USP9Y: variants seen among roughly 807,000 people sequenced by gnomAD.
The protein encoded by USP9Y is ubiquitin carboxyl-terminal hydrolase 9Y.
In USP9Y, 41 loss-of-function variants were observed where a neutral mutation model predicts 53.1. That is an observed-to-expected ratio of 0.77 (90% CI 0.60 to 1.00). The LOEUF (loss-of-function observed/expected upper bound fraction) is 1.00. Among genes scored for constraint, USP9Y ranks in the 50% least tolerant of loss-of-function variants. The probability of loss-of-function intolerance (pLI) is 0.00; values close to 1 mark genes in which losing one functional copy is unlikely to be tolerated. For synonymous variants in USP9Y, 220 were observed against 173.7 expected, an observed-to-expected ratio of 1.27 and a Z score of -2.09; for missense variants, 567 against 535.8, an observed-to-expected ratio of 1.06 and a Z score of -0.58.
intron 12 of USP9Y, among the ~76,000 whole-genome samples, chrY:12,740,424 T>C (rs2053456474): frequency 3.0e-5 from 1 of 33,649 alleles, no homozygotes. Flanking sequence ...GACTCCTTTA[T>C]ATGGAACACT....
intron 36 of USP9Y, 53 bp from the exon 37 acceptor site, chrY:12,840,957 T>C: frequency 2.9e-6 from 1 of 341,223 alleles, no homozygotes; most frequent in Non-Finnish European, 4.2e-6. Flanking sequence ...TTTTTTAACA[T>C]AGAGTTTGAA....
chrY:12,856,088 TCAGATTGCTAACCAGCTGCTCAAGTTGC>T (rs2053575878), intron 42 of USP9Y, among the ~76,000 whole-genome samples: 3 of 33,167 alleles, frequency 9.0e-5, no homozygotes, highest in African/African-American at 3.5e-4. Flanking sequence ...TCTGACTAAG[TCAGATTGCTAACCAGCTGCTCAAGTTGC>T]CAGATCTGTA....
At chrY:12,807,063 G>A in intron 27 of USP9Y, among the ~76,000 whole-genome samples, 10 of 32,044 alleles carry the variant, frequency 3.1e-4, no homozygotes, top group Non-Finnish European at 4.5e-4. Flanking sequence ...CATATTGCAT[G>A]CATTGGTCTG....
chrY:12,746,713 C>CAA (rs776908126), intron 12 of USP9Y, among the ~76,000 whole-genome samples: 327 of 30,736 alleles, frequency 0.011, no homozygotes, highest in Non-Finnish European at 0.022. Flanking sequence ...AATTAGATGT[C>CAA]AAAACGGTAA....
At chrY:12,754,193 G>T (rs2148283429) in intron 12 of USP9Y, among the ~76,000 whole-genome samples, 1 of 27,617 alleles carries the variant, frequency 3.6e-5, no homozygotes, top group African/African-American at 1.4e-4. Flanking sequence ...TAAATATATA[G>T]ATATACATGT....
chrY:12,845,938 C>T (rs2053565936), intron 39 of USP9Y, among the ~76,000 whole-genome samples: 1 of 32,980 alleles, frequency 3.0e-5, no homozygotes, highest in African/African-American at 1.2e-4. Flanking sequence ...GTGATCCACC[C>T]GCCTTGGCCT....
intron 3 of USP9Y, among the ~76,000 whole-genome samples, chrY:12,720,082 G>A (rs751313380): frequency 4.0e-4 from 13 of 32,762 alleles, no homozygotes; most frequent in African/African-American, 1.5e-3. Flanking sequence ...CACCACACCC[G>A]GCCGCCATTA....
At chrY:12,727,629 T>C (rs930334886) in intron 7 of USP9Y, among the ~76,000 whole-genome samples, 13 of 32,166 alleles carry the variant, frequency 4.0e-4, no homozygotes, top group Non-Finnish European at 9.1e-4. Flanking sequence ...ATTTAGCGCA[T>C]GAAAAAAAAA....
chrY:12,809,677 A>C, intron 27 of USP9Y, among the ~76,000 whole-genome samples: 1 of 33,213 alleles, frequency 3.0e-5, no homozygotes, highest in Non-Finnish European at 7.5e-5. Flanking sequence ...ATCTTTAGCC[A>C]TGTTGCATTT....
At position 12,736,265 on chromosome Y, in the gene USP9Y, C is replaced by A; in HGVS notation, c.1025+16C>A. The stretch of plus-strand genomic sequence containing the variant: ...TGATACTCAGGTAAGATATTTTCCA[C>A]CTTAAATTATTTGTGTGAATTCTGA... On this transcript the variant is annotated intron_variant, in intron 9 of 45. Transcript: ENST00000338981. The A allele has an allele frequency of 2.7e-6, 1 of 377,125 alleles. No individual in the cohort carries two copies. The highest frequency in any genetic ancestry group is 3.7e-6 in the Non-Finnish European group (1 of 267,707). 94.1% of individuals were successfully genotyped at this position (377,125 alleles called of 400,897 possible).
chrY:12,815,731 C>T, intron 31 of USP9Y, among the ~76,000 whole-genome samples: 1 of 33,335 alleles, frequency 3.0e-5, no homozygotes, highest in African/African-American at 1.2e-4. Context: ...CACATGCCAC[C>T]GTGTTCAGCT....
rs2032602 is a variant in USP9Y at position 12,842,354 on chromosome Y, T to A, written c.6327T>A (p.Pro2109=). Residue 2109 remains proline, a synonymous_variant, in exon 38 of 46, where the codon CCT becomes CCA. Coordinates refer to ENST00000338981, the MANE Select transcript of USP9Y (RefSeq NM_004654.4). ...NRFSEYLLEC[P]SAEVRGAFAK... ...TCTCTGAATACCTTCTGGAGTGCCCTAGTGCAGAAGTGAGGGGTGCATTTG... is the reference window on the plus strand; with the variant it reads ...TCTCTGAATACCTTCTGGAGTGCCCAAGTGCAGAAGTGAGGGGTGCATTTG... 2.5e-6 allele frequency: 1 copy of A among 395,776 alleles called. No homozygotes were observed. Among genetic ancestry groups the A allele is most frequent in the East Asian group, 9.3e-5 (1 of 10,762 alleles).
chrY:12,815,800 C>G, intron 31 of USP9Y, among the ~76,000 whole-genome samples: 1 of 34,339 alleles, frequency 2.9e-5, no homozygotes, highest in African/African-American at 1.1e-4. Flanking sequence ...TGGTCTTGAA[C>G]TCCTGAACTC....
At chrY:12,723,393 T>A in intron 5 of USP9Y, among the ~76,000 whole-genome samples, 1 of 29,245 alleles carries the variant, frequency 3.4e-5, no homozygotes, top group Non-Finnish European at 8.1e-5. Flanking sequence ...TATTTTATTT[T>A]ATTTTTTTTT....
intron 12 of USP9Y, among the ~76,000 whole-genome samples, chrY:12,748,960 C>G (rs2053462328): frequency 3.0e-5 from 1 of 33,679 alleles, no homozygotes; most frequent in Non-Finnish European, 7.3e-5. Context: ...GGATTTTCAT[C>G]TAGTTTTTGA....
chrY:12,705,364 G>C, intron 1 of USP9Y, among the ~76,000 whole-genome samples: 1 of 32,574 alleles, frequency 3.1e-5, no homozygotes. Context: ...TACTTGATTT[G>C]ATATGAGGTT....
At chrY:12,857,087 G>T in intron 44 of USP9Y, 2 of 103,348 alleles carry the variant, frequency 1.9e-5, no homozygotes, top group South Asian at 1.5e-4. Context: ...ATATTCTTTT[G>T]TTTGTTTTTT....
At chrY:12,739,441 A>T in intron 11 of USP9Y, 84 bp from the exon 12 acceptor site, 1 of 180,732 alleles carries the variant, frequency 5.5e-6, no homozygotes, top group Non-Finnish European at 9.7e-6. Context: ...TTCTTGTAGT[A>T]GAACTATTTT....
intron 7 of USP9Y, 75 bp downstream of exon 7, chrY:12,726,868 G>A: frequency 4.0e-6 from 1 of 251,360 alleles, no homozygotes; most frequent in Non-Finnish European, 6.5e-6. Flanking sequence ...TTAGTGATGT[G>A]AACCTGTCTT....
Sources: allele counts gnomAD v4.1 joint callset (sites outside exome capture counted in the v4.1 genomes callset), GRCh38; gene constraint gnomAD v4.1.1; transcripts MANE v1.5; gene names NCBI Gene and HGNC (gene_info 2026-07-23, HGNC 2026-07-21).